Variants in TP53I13 observed in about 807,000 individuals in gnomAD.
TP53I13 encodes tumor protein p53 inducible protein 13, also known as tumor protein p53-inducible protein 13.
A neutral mutation model predicts 39.1 loss-of-function variants in TP53I13; 27 were observed. The ratio of observed to expected loss-of-function variants is 0.69; its 90% confidence interval spans 0.51 to 0.95. TP53I13 has a LOEUF of 0.95. Among genes scored for constraint, TP53I13 ranks in the 40% least tolerant of loss-of-function variants. The probability of loss-of-function intolerance (pLI) is 0.00; values close to 1 mark genes in which losing one functional copy is unlikely to be tolerated. For synonymous variants in TP53I13, 230 were observed against 224.6 expected (o/e 1.02, Z -0.22); for missense variants, 544 against 520.4 (o/e 1.05, Z -0.44).
downstream of TP53I13, chr17:29,576,691 A>C (rs2033216223): frequency 1.2e-6 from 2 of 1,613,372 alleles, no homozygotes. Flanking sequence ...AGAGAGACCT[A>C]AGCTGGTCAG....
intron 3 of TP53I13, chr17:29,571,012 GTT>G (rs1266128124): frequency 6.6e-6 from 1 of 152,558 alleles, no homozygotes; most frequent in Non-Finnish European, 1.5e-5. Flanking sequence ...TTAGTTTGCT[GTT>G]TTATTTGCAT....
At chr17:29,579,672 A>T in the TP53I13 span, among the ~76,000 whole-genome samples, 1 of 151,898 alleles carries the variant, frequency 6.6e-6, no homozygotes, top group Non-Finnish European at 1.5e-5. Context: ...GTGGTAAGCT[A>T]TGATCAAGCC....
chr17:29,572,527 C>T lies in TP53I13; in HGVS notation c.899C>T (p.Ala300Val), dbSNP rs745853478. 1.9e-6 allele frequency: 3 copies of T among 1,606,190 alleles called. No individual in the cohort carries two copies. The African/African-American group carries it at 4.0e-5, about 22-fold the overall frequency. Residue 300 changes from alanine to valine, a missense_variant, in exon 6 of 7, where the codon GCC (alanine) becomes GTC (valine). Physicochemically the swap from Ala to Val is moderately conservative, Grantham distance 64 (BLOSUM62 0). Transcript: ENST00000301057. ...APRAAAPPRAARGPTPRTEEA... is the reference protein window; with the variant it reads ...APRAAAPPRAVRGPTPRTEEA... Reference sequence around the variant, plus strand: ...CGCGCAGCAGCGCCTCCACGGGCAGCCCGGGGCCCCACCCCACGCACTGAA... The same window carrying T: ...CGCGCAGCAGCGCCTCCACGGGCAGTCCGGGGCCCCACCCCACGCACTGAA...
chr17:29,571,349 C>G, intron 3 of TP53I13: 1 of 532,958 alleles, frequency 1.9e-6, no homozygotes, highest in Non-Finnish European at 3.3e-6. Flanking sequence ...CAGGATTATC[C>G]AGGCATGCTG....
At chr17:29,576,225 T>C (rs374759955), downstream of TP53I13, 1 of 1,607,642 alleles carries the variant, frequency 6.2e-7, no homozygotes, top group Non-Finnish European at 8.5e-7. Context: ...CTCACAGTGC[T>C]GTGGAAAGGC....
chr17:29,571,745 C>T (rs1487222673), intron 4 of TP53I13, 26 bp downstream of exon 4: 1 of 1,613,978 alleles, frequency 6.2e-7, no homozygotes, highest in Admixed American at 1.7e-5. Context: ...AAGGCGCTTG[C>T]CTGGCCCTGG....
upstream of TP53I13, chr17:29,566,735 C>T (rs2032723698): frequency 2.6e-6 from 4 of 1,562,016 alleles, no homozygotes; most frequent in Non-Finnish European, 3.4e-6. Flanking sequence ...TGGGCCAGGG[C>T]CGACGGCTTG....
At position 29,568,720 on chromosome 17, in the gene TP53I13, G is replaced by T. The variant is rs2032799434; in HGVS notation, c.-39G>T. ...GGGCGCGCGCGCTCCCTCGCTGGCG[G>T]AGCGGCTGGGCGGCGGGCCGGGCCC... On this transcript the variant is annotated 5_prime_UTR_variant, in exon 1 of 7. Transcript: ENST00000301057. This position sits in a 1 kb window ranked among gnomAD's most constrained non-coding sequence, Gnocchi z 4.5. The T allele has an allele frequency of 7.3e-7, 1 of 1,373,168 alleles. No individual in the cohort carries two copies. The highest frequency in any genetic ancestry group is 2.5e-4 in the Middle Eastern group (1 of 3,962). The allele number at this position is 1,373,168 out of a possible 1,614,324, so 85.1% of individuals were successfully genotyped here.
upstream of TP53I13, chr17:29,566,828 C>T (rs1460487936): frequency 4.0e-6 from 6 of 1,516,562 alleles, no homozygotes; most frequent in Non-Finnish European, 3.5e-6. Context: ...GCCTCCTCCC[C>T]GTCGTCTCGG....
Position 29,568,989 on chromosome 17 carries a change from C to T in TP53I13, c.73-29C>T, listed in dbSNP as rs775125849. 5 of 1,600,136 alleles carry T rather than the reference C, an allele frequency of 3.1e-6. No homozygotes were observed. Among genetic ancestry groups the T allele is most frequent in the South Asian group, 1.1e-5 (1 of 89,332 alleles). Reference sequence around the variant, plus strand: ...GAGGGCAGGGCCTCGCCGCGTCCAGCGCCCCAACTCTTCGCTTTGGACCCA... The same window carrying T: ...GAGGGCAGGGCCTCGCCGCGTCCAGTGCCCCAACTCTTCGCTTTGGACCCA... On this transcript the variant is annotated intron_variant, in intron 1 of 6. Coordinates refer to ENST00000301057, the MANE Select transcript of TP53I13 (RefSeq NM_138349.4). The surrounding 1 kb of genome is among the most constrained non-coding windows in gnomAD (Gnocchi z 4.5).
upstream of TP53I13, chr17:29,566,999 C>T: frequency 7.8e-7 from 1 of 1,275,008 alleles, no homozygotes. Flanking sequence ...GGGCAGCGGG[C>T]GGCGGGGCCG....
At chr17:29,575,442 C>T (rs1440168411), downstream of TP53I13, 3 of 1,611,474 alleles carry the variant, frequency 1.9e-6, no homozygotes, top group Non-Finnish European at 2.5e-6. The surrounding 1 kb of genome is among the most constrained non-coding windows in gnomAD (Gnocchi z 5.5). Context: ...TCCTCTTTGC[C>T]CAGCTCTAGA....
chr17:29,577,179 C>A, downstream of TP53I13: 2 of 1,614,010 alleles, frequency 1.2e-6, no homozygotes, highest in Non-Finnish European at 1.7e-6. Flanking sequence ...TCCGCTTGGC[C>A]TCACTGAGAA....
upstream of TP53I13, chr17:29,568,656 C>CGGCGCGGG (rs1169211112): frequency 3.4e-4 from 167 of 488,902 alleles, no homozygotes; most frequent in Non-Finnish European, 3.9e-4. The surrounding 1 kb of genome is among the most constrained non-coding windows in gnomAD (Gnocchi z 4.5). Flanking sequence ...GACGCGCGGG[C>CGGCGCGGG]GGCGCGGGCG....
In TP53I13 at chr17:29,571,666, G is replaced by C; in HGVS notation, c.259G>C (p.Ala87Pro). Residue 87 changes from alanine to proline, a missense_variant, in exon 4 of 7, where the codon GCT becomes CCT. Transcript: ENST00000301057. ...GCTCCAGCTTGCCCTCCTGGCCTAT[G>C]CTTGTATGGCTAACCCTTCCCTCAC... is the stretch of plus-strand genomic sequence containing the variant. Reference protein sequence around the residue: ...LKLQLALLAYACMANPSLTPD... With the variant: ...LKLQLALLAYPCMANPSLTPD... The C allele has an allele frequency of 6.2e-7, 1 of 1,614,180 alleles. No individual in the cohort carries two copies. The highest frequency in any genetic ancestry group is 1.3e-5 in the African/African-American group (1 of 75,060).
chr17:29,577,245 C>A, downstream of TP53I13: 1 of 1,613,526 alleles, frequency 6.2e-7, no homozygotes, highest in Non-Finnish European at 8.5e-7. Context: ...GCTTTTGTCG[C>A]CCCTGCAAGG....
At chr17:29,574,908 C>A, downstream of TP53I13, 1 of 1,562,376 alleles carries the variant, frequency 6.4e-7, no homozygotes. Flanking sequence ...GGCTCCAGGG[C>A]TGGCCTCTGG....
downstream of TP53I13, chr17:29,577,148 T>A (rs749227660): frequency 1.2e-6 from 2 of 1,613,684 alleles, no homozygotes; most frequent in Middle Eastern, 1.7e-4. Context: ...GTGGGGCTGC[T>A]CAGGCTCTTG....
At chr17:29,578,642 G>T in the TP53I13 span, 1 of 1,201,278 alleles carries the variant, frequency 8.3e-7, no homozygotes, top group Non-Finnish European at 1.2e-6. Flanking sequence ...AAAGGTCATC[G>T]AGTCAGAGGC....
Sources: allele counts gnomAD v4.1 joint callset (sites outside exome capture counted in the v4.1 genomes callset), GRCh38; gene constraint gnomAD v4.1.1; non-coding constraint Gnocchi (gnomAD v3.1); transcripts MANE v1.5; gene names NCBI Gene and HGNC (gene_info 2026-07-23, HGNC 2026-07-21).